Variants in VPS54 observed in about 807,000 individuals in gnomAD.
The protein encoded by VPS54 is vacuolar protein sorting-associated protein 54.
A neutral mutation model predicts 121.5 loss-of-function variants in VPS54; 45 were observed. That is an observed-to-expected ratio of 0.37 (90% CI 0.29 to 0.47). The LOEUF (loss-of-function observed/expected upper bound fraction) is 0.47. Ranked by LOEUF, VPS54 falls within the 20% of genes least tolerant of loss-of-function variation. VPS54 has a pLI of 0.99. For synonymous variants in VPS54, 371 were observed against 385.8 expected (o/e 0.96, Z 0.45); for missense variants, 1,090 against 1,131.4 (o/e 0.96, Z 0.52).
chr2:63,947,403 C>A lies in VPS54; in HGVS notation c.1225G>T (p.Ala409Ser). 1 of 1,557,198 alleles carries A rather than the reference C, an allele frequency of 6.4e-7. No homozygotes were observed. The highest frequency in any genetic ancestry group is 8.8e-7 in the Non-Finnish European group (1 of 1,142,148). The part of the protein sequence containing the change: ...EIYGEKMVIT[A>S]KNIIKQCVIN... ...ATTACCTGTTTAATGATATTCTTTG[C>A]TGTAATAACCATTTTTTCACCATAG... Residue 409 changes from alanine to serine, a missense_variant, in exon 9 of 23, where the codon GCA (alanine) becomes TCA (serine). By Grantham distance (99) the Ala-to-Ser change is moderately conservative. Coordinates refer to ENST00000272322, the MANE Select transcript of VPS54 (RefSeq NM_016516.3).
intron 12 of VPS54, among the ~76,000 whole-genome samples, chr2:63,926,940 G>A (rs1369655622): frequency 2.6e-5 from 4 of 152,132 alleles, no homozygotes; most frequent in East Asian, 3.9e-4. Flanking sequence ...GGGGAGAGGC[G>A]TCTGCCATTG....
intron 11 of VPS54, among the ~76,000 whole-genome samples, chr2:63,937,010 A>G (rs955975364): frequency 1.3e-5 from 2 of 152,174 alleles, no homozygotes; most frequent in East Asian, 3.8e-4. Context: ...AAGTCAATTA[A>G]AGGCCTAAAT....
chr2:63,973,351 C>T (rs114310595), intron 3 of VPS54, among the ~76,000 whole-genome samples: 4,832 of 152,204 alleles, frequency 0.032, 189 homozygotes, highest in African/African-American at 0.096. Context: ...AGATCTTTTG[C>T]TCATATTTTT....
intron 11 of VPS54, among the ~76,000 whole-genome samples, chr2:63,939,240 C>T (rs558534611): frequency 1.3e-4 from 20 of 152,102 alleles, no homozygotes; most frequent in African/African-American, 4.6e-4. Context: ...GACATGGTGG[C>T]GTGCGCCTAT....
At chr2:64,018,698 A>G (rs116257389) in intron 1 of VPS54, among the ~76,000 whole-genome samples, 4,131 of 146,746 alleles carry the variant, frequency 0.028, 189 homozygotes, top group African/African-American at 0.099. Context: ...CGCTGACAGG[A>G]GGCAGGGAAC....
At chr2:63,992,178 G>A (rs187514690) in intron 1 of VPS54, among the ~76,000 whole-genome samples, 8 of 152,226 alleles carry the variant, frequency 5.3e-5, no homozygotes, top group African/African-American at 1.2e-4. Flanking sequence ...ACTTAATATT[G>A]TTTTAAACAA....
At chr2:63,899,902 TTATC>T (rs1467864003) in intron 20 of VPS54, among the ~76,000 whole-genome samples, 4 of 152,274 alleles carry the variant, frequency 2.6e-5, no homozygotes, top group South Asian at 2.1e-4. Flanking sequence ...GTTATTTAAT[TTATC>T]TATCCCAAAG....
intron 7 of VPS54, among the ~76,000 whole-genome samples, chr2:63,951,840 A>AAAC (rs970257961): frequency 2.6e-5 from 4 of 152,202 alleles, no homozygotes; most frequent in African/African-American, 9.6e-5. Context: ...CCACAAGTCC[A>AAAC]AACCCATGTT....
Position 63,940,090 on chromosome 2 carries a change from T to C in VPS54, c.1398+2375A>G, listed in dbSNP as rs915155395. 1.2e-4 allele frequency among the ~76,000 whole-genome samples: 18 copies of C among 152,152 alleles called. 2 individuals carry two copies. Among genetic ancestry groups the C allele is most frequent in the Admixed American group, 1.1e-3 (17 of 15,250 alleles). On this transcript the variant is annotated intron_variant, in intron 11 of 22. Transcript: ENST00000272322. The stretch of plus-strand genomic sequence containing the variant: ...GCATTTTTAACTGAATATCATAATG[T>C]ATGTATTTTCTCCTACCATTAAAAA...
chr2:63,906,664 G>A (rs975913834), intron 20 of VPS54, among the ~76,000 whole-genome samples: 6 of 152,174 alleles, frequency 3.9e-5, no homozygotes, highest in Non-Finnish European at 8.8e-5. Flanking sequence ...ACTGAATGTA[G>A]TATTGGGAAG....
At chr2:63,970,434 C>T (rs1201263499) in intron 4 of VPS54, among the ~76,000 whole-genome samples, 1 of 151,740 alleles carries the variant, frequency 6.6e-6, no homozygotes, top group Non-Finnish European at 1.5e-5. Context: ...AATATTCTTC[C>T]ACTCTGTTCC....
chr2:63,997,586 C>T (rs1677659551), intron 1 of VPS54, among the ~76,000 whole-genome samples: 1 of 151,688 alleles, frequency 6.6e-6, no homozygotes, highest in South Asian at 2.1e-4. Flanking sequence ...CTTCTTTTTT[C>T]TTAGTCTGGC....
Position 63,944,908 on chromosome 2 carries a change from G to A in VPS54, c.1246-253C>T, listed in dbSNP as rs567409379. Among the ~76,000 whole-genome samples, 4 of 152,274 alleles carry A rather than the reference G, an allele frequency of 2.6e-5. No homozygotes were observed. The South Asian group carries it at 8.3e-4, about 32-fold the overall frequency. ...AATAACAGGTGCTGGCAAGGTTGTA[G>A]AGAAAAGGGAACACTTATACACTGC... On this transcript the variant is annotated intron_variant, in intron 9 of 22. Transcript: ENST00000272322.
intron 4 of VPS54, 121 bp from the exon 5 acceptor site, chr2:63,969,112 T>C: frequency 1.3e-6 from 1 of 762,330 alleles, no homozygotes; most frequent in Non-Finnish European, 2.1e-6. Flanking sequence ...AGTTTATTCC[T>C]TCAACAAATT....
At chr2:63,927,834 G>C (rs1673987538) in intron 12 of VPS54, among the ~76,000 whole-genome samples, 2 of 152,172 alleles carry the variant, frequency 1.3e-5, no homozygotes, top group Non-Finnish European at 2.9e-5. Flanking sequence ...TGATGGAGCT[G>C]AGAACCACAG....
chr2:63,964,238 C>T (rs1045014391), intron 6 of VPS54, among the ~76,000 whole-genome samples: 18 of 152,062 alleles, frequency 1.2e-4, no homozygotes, highest in African/African-American at 4.3e-4. Context: ...AAATCTGATT[C>T]TGCAATTTAC....
At position 63,930,252 on chromosome 2, in the gene VPS54, A is replaced by G. The variant is rs143610972; in HGVS notation, c.1739+3421T>C. Among the ~76,000 whole-genome samples the G allele has an allele frequency of 4.1e-3, 618 of 152,302 alleles. 3 individuals are homozygous for G. Among genetic ancestry groups the G allele is most frequent in the African/African-American group, 0.014 (595 of 41,572 alleles). ...CCAATATCCCTGATGAACATCGATG[A>G]GAAAATCCTCAACAAAATACCGGCA... On this transcript the variant is annotated intron_variant, in intron 12 of 22. Transcript: ENST00000272322.
intron 11 of VPS54, among the ~76,000 whole-genome samples, chr2:63,937,811 T>C (rs573839676): frequency 1.1e-4 from 16 of 152,300 alleles, no homozygotes; most frequent in African/African-American, 3.8e-4. Flanking sequence ...ATTATTCATA[T>C]TACTCAGCCT....
chr2:63,969,879 T>A (rs565415848), intron 4 of VPS54, among the ~76,000 whole-genome samples: 1 of 152,068 alleles, frequency 6.6e-6, no homozygotes, highest in South Asian at 2.1e-4. Context: ...GTTTAAAAGA[T>A]CTATCATCCC....
Sources: allele counts gnomAD v4.1 joint callset (sites outside exome capture counted in the v4.1 genomes callset), GRCh38; gene constraint gnomAD v4.1.1; transcripts MANE v1.5; gene names NCBI Gene and HGNC (gene_info 2026-07-23, HGNC 2026-07-21).